Variants in RYR3 observed in about 807,000 individuals in gnomAD.
RYR3 encodes brain ryanodine receptor-calcium release channel.
Under a neutral mutation model 584.3 loss-of-function variants are expected in RYR3, and 207 were observed. The ratio of observed to expected loss-of-function variants is 0.35; its 90% confidence interval spans 0.32 to 0.40. The LOEUF is 0.40. Among genes scored for constraint, RYR3 ranks in the 10% least tolerant of loss-of-function variants. RYR3 has a pLI of 1.00. For missense variants in RYR3, 5,616 were observed against 6,089.2 expected (o/e 0.92, Z 2.59); for synonymous variants, 2,416 against 2,248.5 (o/e 1.07, Z -2.11).
At chr15:33,782,185 A>C (rs2074430872) in intron 65 of RYR3, among the ~76,000 whole-genome samples, 1 of 152,196 alleles carries the variant, frequency 6.6e-6, no homozygotes, top group Non-Finnish European at 1.5e-5. Flanking sequence ...TTAGTTCATA[A>C]AGGCACAGTA....
intron 2 of RYR3, among the ~76,000 whole-genome samples, chr15:33,494,102 A>AT (rs5811763): frequency 0.025 from 3,756 of 150,464 alleles, 137 homozygotes; most frequent in African/African-American, 0.079. Context: ...GATTGTGGCT[A>AT]TTTTTTTTTT....
At chr15:33,442,463 A>G (rs1018914549) in intron 1 of RYR3, among the ~76,000 whole-genome samples, 4 of 152,258 alleles carry the variant, frequency 2.6e-5, no homozygotes, top group South Asian at 2.1e-4. Context: ...ATTTGAAAAG[A>G]AACAACTTCA....
chr15:33,802,014 G>T, intron 69 of RYR3, 53 bp downstream of exon 69: 1 of 1,062,078 alleles, frequency 9.4e-7, no homozygotes, highest in South Asian at 1.3e-5. Context: ...CCTCAGCCAT[G>T]ACTTGGATCT....
chr15:33,554,488 G>A (rs1157603111), intron 10 of RYR3, among the ~76,000 whole-genome samples: 1 of 151,942 alleles, frequency 6.6e-6, no homozygotes, highest in East Asian at 1.9e-4. Flanking sequence ...AGTAGAGACG[G>A]GGTTTCACTA....
rs773605948 is a variant in RYR3 at position 33,603,148 on chromosome 15, G to A, written c.1948G>A (p.Val650Ile). The A allele has an allele frequency of 1.2e-6, 2 of 1,613,888 alleles. No individual in the cohort carries two copies. Among genetic ancestry groups the A allele is most frequent in the Non-Finnish European group, 1.7e-6 (2 of 1,179,844 alleles). ...TATCCGGCCAAACATCTTCCTGGGA[G>A]TCGCGGAGGGCTCAGCCCAGTACAA... ...TSIRPNIFLG[V>I]AEGSAQYKKW... is the part of the protein sequence containing the mutation. The change falls in exon 18 of 104, where the codon GTC (valine) becomes ATC (isoleucine). Residue 650 changes from valine (V) to isoleucine (I), a missense_variant. Physicochemically the swap from Val to Ile is conservative, Grantham distance 29. Transcript: ENST00000634891.
At chr15:33,616,424 G>A (rs1023356683) in intron 19 of RYR3, among the ~76,000 whole-genome samples, 2 of 152,138 alleles carry the variant, frequency 1.3e-5, no homozygotes, top group African/African-American at 4.8e-5. Flanking sequence ...GTTAGCAGGT[G>A]AAAAAATAGT....
Position 33,748,447 on chromosome 15 carries a change from ACT to A in RYR3, c.8137-18_8137-17del. On this transcript the variant is annotated intron_variant, in intron 54 of 103. Transcript: ENST00000634891. ...CAAGGAAAATAATGGCAACCCAGTG[ACT>A]CTGCCTTTGCTTTCCTAGGGCAACA... is the stretch of plus-strand genomic sequence containing the variant. 1.2e-6 allele frequency: 2 copies of A among 1,610,914 alleles called. No individual in the cohort carries two copies. The highest frequency in any genetic ancestry group is 1.7e-6 in the Non-Finnish European group (2 of 1,178,066).
chr15:33,626,366 TGA>T (rs1267494257), intron 20 of RYR3, among the ~76,000 whole-genome samples: 5 of 152,122 alleles, frequency 3.3e-5, no homozygotes, highest in African/African-American at 1.2e-4. Context: ...ACTTTGAATT[TGA>T]GAGAGATGAT....
chr15:33,696,515 T>C (rs2065876243), intron 39 of RYR3, 24 bp downstream of exon 39: 1 of 1,611,948 alleles, frequency 6.2e-7, no homozygotes, highest in Admixed American at 1.7e-5. Flanking sequence ...GGTTACGTGC[T>C]GTTCTCTCTA....
chr15:33,337,641 A>G (rs1313451980), intron 1 of RYR3, among the ~76,000 whole-genome samples: 3 of 152,208 alleles, frequency 2.0e-5, no homozygotes, highest in Admixed American at 1.3e-4. Flanking sequence ...GAATTTATGA[A>G]TAGATGAAGA....
intron 25 of RYR3, 97 bp downstream of exon 25, chr15:33,634,830 G>C: frequency 7.9e-6 from 8 of 1,016,460 alleles, no homozygotes; most frequent in African/African-American, 1.6e-5. Context: ...TGTACTATTG[G>C]AAATAGTATT....
chr15:33,583,081 G>T (rs2058675220), intron 14 of RYR3, among the ~76,000 whole-genome samples: 1 of 152,144 alleles, frequency 6.6e-6, no homozygotes, highest in South Asian at 2.1e-4. Flanking sequence ...AGTAGGAACA[G>T]ACATCAGGAT....
At chr15:33,588,756 A>G (rs954629507) in intron 16 of RYR3, among the ~76,000 whole-genome samples, 6 of 152,162 alleles carry the variant, frequency 3.9e-5, no homozygotes, top group Non-Finnish European at 8.8e-5. Context: ...TTCCAGTTCC[A>G]TCTATGTTGC....
At chr15:33,683,314 A>C (rs2064766113) in intron 38 of RYR3, among the ~76,000 whole-genome samples, 1 of 152,142 alleles carries the variant, frequency 6.6e-6, no homozygotes, top group African/African-American at 2.4e-5. Flanking sequence ...TTTCTTATGA[A>C]TACTGAAGTA....
intron 1 of RYR3, among the ~76,000 whole-genome samples, chr15:33,316,491 C>A (rs188032707): frequency 2.0e-5 from 3 of 152,234 alleles, no homozygotes; most frequent in Admixed American, 2.0e-4. Context: ...TAGATATGTT[C>A]TTTAAGCTAC....
intron 1 of RYR3, among the ~76,000 whole-genome samples, chr15:33,345,173 AAAG>A (rs943765793): frequency 6.6e-6 from 1 of 152,170 alleles, no homozygotes; most frequent in African/African-American, 2.4e-5. Context: ...AACTCAGGAA[AAAG>A]AAGAATAGAA....
Position 33,670,419 on chromosome 15 carries a change from G to A in RYR3, c.5723G>A (p.Gly1908Glu). The change falls in exon 38 of 104, where the codon GGG (glycine) becomes GAG (glutamate). Residue 1908 changes from glycine (G) to glutamate (E), a missense_variant and splice_region_variant. Gly to Glu is a moderately conservative substitution (Grantham distance 98). Transcript: ENST00000634891. The part of the protein sequence containing the change: ...DFHEDLLLHC[G>E]VPLEEEEEEE... Reference sequence around the variant, plus strand: ...TTCACCCTGTTCTGTGGCTTGCTAGGGGTTCCTTTGGAAGAAGAGGAAGAG... The same window carrying A: ...TTCACCCTGTTCTGTGGCTTGCTAGAGGTTCCTTTGGAAGAAGAGGAAGAG... The A allele has an allele frequency of 1.2e-6, 2 of 1,613,488 alleles. No individual in the cohort carries two copies. Among genetic ancestry groups the A allele is most frequent in the South Asian group, 1.1e-5 (1 of 90,996 alleles).
In RYR3 at chr15:33,745,836, A is replaced by G. The variant is rs553629016; in HGVS notation, c.7900-232A>G. Among the ~76,000 whole-genome samples the G allele has an allele frequency of 4.6e-5, 7 of 152,344 alleles. No homozygotes were observed. In the South Asian group the frequency reaches 6.2e-4, roughly 14 times the overall value. On this transcript the variant is annotated intron_variant, in intron 52 of 103. Coordinates refer to ENST00000634891, the MANE Select transcript of RYR3 (RefSeq NM_001036.6). ...AGAGGGCCTGAAATACAAGTGAGAA[A>G]GTGGAGAGGACAGCAACTGAAACAA...
intron 1 of RYR3, among the ~76,000 whole-genome samples, chr15:33,459,338 C>G (rs184849707): frequency 3.3e-5 from 5 of 152,308 alleles, no homozygotes; most frequent in Admixed American, 2.0e-4. Flanking sequence ...GGATTTGTAT[C>G]CTGGAGACCT....
Sources: allele counts gnomAD v4.1 joint callset (sites outside exome capture counted in the v4.1 genomes callset), GRCh38; gene constraint gnomAD v4.1.1; transcripts MANE v1.5; gene names NCBI Gene and HGNC (gene_info 2026-07-23, HGNC 2026-07-21).